Variants in HDLBP observed in about 807,000 individuals in gnomAD.
The protein encoded by HDLBP is vigilin.
Under a neutral mutation model 137.3 loss-of-function variants are expected in HDLBP, and 30 were observed. The observed-to-expected ratio is 0.22, with a 90% CI of 0.16 to 0.30. HDLBP has a LOEUF of 0.30. Ranked by LOEUF, HDLBP falls within the 10% of genes least tolerant of loss-of-function variation. HDLBP has a pLI of 1.00. For missense variants in HDLBP, 1,119 were observed against 1,667.3 expected (o/e 0.67, Z 5.73); for synonymous variants, 606 against 596.0 (o/e 1.02, Z -0.24).
chr2:241,300,348 A>T (rs539915212), intron 1 of HDLBP, among the ~76,000 whole-genome samples: 8 of 152,320 alleles, frequency 5.3e-5, no homozygotes, highest in African/African-American at 1.9e-4. Context: ...GGCAAATCGG[A>T]GTAACCCACG....
At chr2:241,252,911 G>T (rs767146427) in intron 11 of HDLBP, 46 bp downstream of exon 11, 1 of 1,331,180 alleles carries the variant, frequency 7.5e-7, no homozygotes, top group South Asian at 1.2e-5. Context: ...CCCCCACAAG[G>T]GTCTCAGGGC....
At position 241,253,021 on chromosome 2, in the gene HDLBP, G is replaced by A. The variant is rs1337152227; in HGVS notation, c.1308C>T (p.Asp436=). The A allele has an allele frequency of 6.2e-7, 1 of 1,606,112 alleles. No individual in the cohort carries two copies. Among genetic ancestry groups the A allele is most frequent in the Admixed American group, 1.7e-5 (1 of 59,886 alleles). ...GMVKDLINRM[D]YVEINIDHKF... ...TGTGGTCGATGTTGATCTCCACATAGTCCATCCGGTTAATCTGCAGGAGGA... is the reference window on the plus strand; with the variant it reads ...TGTGGTCGATGTTGATCTCCACATAATCCATCCGGTTAATCTGCAGGAGGA... The change falls in exon 11 of 28, where the codon GAC becomes GAT. Residue 436 remains aspartate (D), a synonymous_variant. Transcript: ENST00000310931.
intron 1 of HDLBP, among the ~76,000 whole-genome samples, chr2:241,269,950 TCCAATGTCACTTCTTAAACCCAGACA>T (rs1177611205): frequency 6.6e-6 from 1 of 152,096 alleles, no homozygotes; most frequent in Non-Finnish European, 1.5e-5. Context: ...TGTCCCGGGC[TCCAATGTCACTTCTTAAACCCAGACA>T]CCCACCCCCT....
intron 1 of HDLBP, chr2:241,268,935 T>G (rs1206032824): frequency 6.6e-6 from 1 of 152,268 alleles, no homozygotes; most frequent in Non-Finnish European, 1.5e-5. Flanking sequence ...GAAGAAGGGT[T>G]GTTGTGCTGG....
chr2:241,248,972 A>G (rs1298353608), intron 12 of HDLBP, among the ~76,000 whole-genome samples: 1 of 152,148 alleles, frequency 6.6e-6, no homozygotes, highest in Non-Finnish European at 1.5e-5. Context: ...TCAAACGGCT[A>G]TTGGCTGACA....
chr2:241,273,600 G>A (rs2074275224), intron 1 of HDLBP: 9 of 985,194 alleles, frequency 9.1e-6, no homozygotes, highest in Admixed American at 6.1e-5. Context: ...AAAGGGAGTC[G>A]AGCAATCTGT....
intron 1 of HDLBP, among the ~76,000 whole-genome samples, chr2:241,285,101 G>C (rs1167573308): frequency 6.6e-6 from 1 of 152,196 alleles, no homozygotes; most frequent in East Asian, 1.9e-4. Context: ...GGCTGGTCTC[G>C]AACTCCTGAC....
intron 1 of HDLBP, among the ~76,000 whole-genome samples, chr2:241,277,716 C>T (rs1216841734): frequency 6.6e-6 from 1 of 152,228 alleles, no homozygotes; most frequent in African/African-American, 2.4e-5. Context: ...AATCCCAGCA[C>T]TTTGGGAGGC....
At chr2:241,232,237 G>T (rs1165745190) in intron 24 of HDLBP, among the ~76,000 whole-genome samples, 1 of 151,864 alleles carries the variant, frequency 6.6e-6, no homozygotes, top group Non-Finnish European at 1.5e-5. Context: ...CTTGGCTCAT[G>T]GTGTATTAGA....
rs1289025900 is a variant in HDLBP, at chr2:241,267,798, G to A, written c.-38+679C>T. On this transcript the variant is annotated intron_variant, in intron 2 of 27. Transcript: ENST00000310931. ...TAAATGCCCTTGATCCACACTGACT[G>A]GTTATTCTCCCATCCCTCCAGGTGT... 2.0e-6 allele frequency: 3 copies of A among 1,482,374 alleles called. 1 individual carries two copies. Among genetic ancestry groups the A allele is most frequent in the Non-Finnish European group, 2.7e-6 (3 of 1,118,144 alleles). 91.8% of individuals were successfully genotyped at this position (1,482,374 alleles called of 1,614,324 possible). A position where few individuals can be genotyped will look rare whatever the true frequency, so the allele number is the denominator to read the frequency against.
At chr2:241,296,135 A>G (rs2075174487) in intron 1 of HDLBP, among the ~76,000 whole-genome samples, 2 of 152,112 alleles carry the variant, frequency 1.3e-5, no homozygotes, top group South Asian at 4.1e-4. Flanking sequence ...ATTCAACTAA[A>G]ATTAGCAAAG....
At chr2:241,287,613 G>A (rs982174070) in intron 1 of HDLBP, among the ~76,000 whole-genome samples, 4 of 151,930 alleles carry the variant, frequency 2.6e-5, no homozygotes. Context: ...TGTAGAGACA[G>A]GATTTTACCA....
At chr2:241,309,313 T>C (rs1179468785) in intron 1 of HDLBP, among the ~76,000 whole-genome samples, 2 of 152,240 alleles carry the variant, frequency 1.3e-5, no homozygotes, top group African/African-American at 4.8e-5. Context: ...GCATTTTCCT[T>C]ACTGTGTCCC....
chr2:241,281,957 T>G (rs2074624036), intron 1 of HDLBP, among the ~76,000 whole-genome samples: 1 of 152,244 alleles, frequency 6.6e-6, no homozygotes, highest in African/African-American at 2.4e-5. Flanking sequence ...GGAGTTTTTC[T>G]CATTAGTAAA....
Position 241,301,771 on chromosome 2 carries a change from G to GT in HDLBP, c.-103+13798dup, listed in dbSNP as rs200273002. On this transcript the variant is annotated intron_variant, in intron 1 of 27. Transcript: ENST00000310931. ...AAGGGCCATCCTTTCCTTTCGTTTTGTTTTTTTTTTTAATTTTTCAAGAAA... is the reference window on the plus strand; with the variant it reads ...AAGGGCCATCCTTTCCTTTCGTTTTGTTTTTTTTTTTTAATTTTTCAAGAAA... Among the ~76,000 whole-genome samples the GT allele has an allele frequency of 2.8e-3, 410 of 144,116 alleles. 1 individual carries two copies. Among genetic ancestry groups the GT allele is most frequent in the Middle Eastern group, 0.011 (3 of 282 alleles). The allele number at this position is 144,116 out of a possible 152,430, so 94.5% of individuals were successfully genotyped here.
intron 7 of HDLBP, among the ~76,000 whole-genome samples, chr2:241,255,887 C>A (rs1050968361): frequency 6.6e-6 from 1 of 152,352 alleles, no homozygotes; most frequent in South Asian, 2.1e-4. Context: ...GCTGAGCTAA[C>A]AGCTTAATCT....
chr2:241,270,834 C>T (rs778547296), intron 1 of HDLBP: 9 of 337,480 alleles, frequency 2.7e-5, no homozygotes, highest in Non-Finnish European at 3.8e-5. Flanking sequence ...CTGAAGTTCC[C>T]AGGATACCTT....
At position 241,237,001 on chromosome 2, in the gene HDLBP, T is replaced by C. The variant is rs977231485; in HGVS notation, c.2750-232A>G. Among the ~76,000 whole-genome samples, 10 of 121,114 alleles carry C rather than the reference T, an allele frequency of 8.3e-5. 1 individual carries two copies. Among genetic ancestry groups the C allele is most frequent in the Non-Finnish European group, 1.5e-4 (9 of 59,924 alleles). The allele number at this position is 121,114 out of a possible 152,430, so 79.5% of individuals were successfully genotyped here. On this transcript the variant is annotated intron_variant, in intron 20 of 27. Coordinates refer to ENST00000310931, the MANE Select transcript of HDLBP (RefSeq NM_005336.6). The stretch of plus-strand genomic sequence containing the variant: ...TTGGGGGGGGGGGGGGGGGCGGCAA[T>C]GAAGGCTTTGCCGGGAGGCCGTGAG...
chr2:241,253,658 AAGGGAGGGTT>A (rs2072384621), intron 9 of HDLBP, among the ~76,000 whole-genome samples, 161 bp from the exon 10 acceptor site: 2 of 152,182 alleles, frequency 1.3e-5, no homozygotes, highest in Non-Finnish European at 2.9e-5. Flanking sequence ...ACAAAGTTGA[AAGGGAGGGTT>A]AGGGAGCCAT....
Sources: allele counts gnomAD v4.1 joint callset (sites outside exome capture counted in the v4.1 genomes callset), GRCh38; gene constraint gnomAD v4.1.1; transcripts MANE v1.5; gene names NCBI Gene and HGNC (gene_info 2026-07-23, HGNC 2026-07-21).